Variants in SRBD1 observed in about 807,000 individuals in gnomAD.
SRBD1 encodes the protein S1 RNA binding domain 1, also known as S1 RNA-binding domain-containing protein 1.
Under a neutral mutation model 115.3 loss-of-function variants are expected in SRBD1, and 88 were observed. The observed-to-expected ratio is 0.76, with a 90% CI of 0.64 to 0.91. The LOEUF (loss-of-function observed/expected upper bound fraction) is 0.91, where lower values mean the gene tolerates loss of function less well. Among genes scored for constraint, SRBD1 ranks in the 40% least tolerant of loss-of-function variants. The pLI is 0.00. For missense variants in SRBD1, 1,385 were observed against 1,177.4 expected, an observed-to-expected ratio of 1.18 and a Z score of -2.58; for synonymous variants, 509 against 407.7, an observed-to-expected ratio of 1.25 and a Z score of -2.99.
At chr2:45,496,376 TACTG>T (rs528384911) in intron 14 of SRBD1, among the ~76,000 whole-genome samples, 39 of 151,890 alleles carry the variant, frequency 2.6e-4, no homozygotes, top group South Asian at 2.1e-3. Flanking sequence ...TTCCCAATAA[TACTG>T]ACTATTAAAA....
intron 14 of SRBD1, among the ~76,000 whole-genome samples, chr2:45,501,597 C>T (rs561385286): frequency 2.6e-5 from 4 of 152,290 alleles, no homozygotes; most frequent in South Asian, 2.1e-4. Flanking sequence ...ACCCTAACAC[C>T]GTGCTTTTCC....
chr2:45,599,529 GAT>G lies in SRBD1; in HGVS notation c.566_567del (p.Tyr189SerfsTer14). ...GGAAACTTGACAGGCTGCCCCTGAG[GAT>G]ATGTCTCAGTCTTGATTTTCTTTAA... ...SALKKIKTET[Y>X]PQGQPVKFPA... On this transcript the variant is annotated frameshift_variant, in exon 4 of 21. Coordinates refer to ENST00000263736, the MANE Select transcript of SRBD1 (RefSeq NM_018079.5). LOFTEE classifies it high-confidence loss of function. The G allele has an allele frequency of 6.2e-7, 1 of 1,614,204 alleles. No individual in the cohort carries two copies. Among genetic ancestry groups the G allele is most frequent in the Non-Finnish European group, 8.5e-7 (1 of 1,180,040 alleles).
chr2:45,445,885 C>T (rs1231531034), intron 16 of SRBD1, among the ~76,000 whole-genome samples: 1 of 152,150 alleles, frequency 6.6e-6, no homozygotes, highest in Non-Finnish European at 1.5e-5. Context: ...GGTGTTTTCC[C>T]TTGCCAAATC....
At chr2:45,554,632 T>G (rs6734588) in intron 10 of SRBD1, among the ~76,000 whole-genome samples, 79,596 of 151,890 alleles carry the variant, frequency 0.52, 21,345 homozygotes, top group African/African-American at 0.58. Flanking sequence ...GAAGAGAAAA[T>G]CACAAGCTAA....
intron 19 of SRBD1, among the ~76,000 whole-genome samples, chr2:45,393,866 A>G (rs546394647): frequency 6.6e-6 from 1 of 152,322 alleles, no homozygotes; most frequent in South Asian, 2.1e-4. Context: ...TTGAAAAATG[A>G]ATTACTCTAT....
chr2:45,389,522 C>T lies in SRBD1; in HGVS notation c.2776G>A (p.Val926Ile). Residue 926 changes from valine (V) to isoleucine (I), a missense_variant, in exon 21 of 21, where the codon GTT becomes ATT. Val to Ile is a conservative substitution (Grantham distance 29). Transcript: ENST00000263736. ...LQIGTVLTGKVENATLFGIFV... is the reference protein window; with the variant it reads ...LQIGTVLTGKIENATLFGIFV... ...ATTCCAAAGAGAGTGGCATTCTCAA[C>T]TTTGCCTGTAAGAACTGTCCCAATC... 1 of 1,614,086 alleles carries T rather than the reference C, an allele frequency of 6.2e-7. No homozygotes were observed. Among genetic ancestry groups the T allele is most frequent in the Non-Finnish European group, 8.5e-7 (1 of 1,179,960 alleles).
At chr2:45,569,686 CA>C (rs1303096508) in intron 9 of SRBD1, among the ~76,000 whole-genome samples, 1 of 152,004 alleles carries the variant, frequency 6.6e-6, no homozygotes, top group Non-Finnish European at 1.5e-5. Flanking sequence ...CTTCCTTTCT[CA>C]AAAAACTATA....
intron 15 of SRBD1, among the ~76,000 whole-genome samples, chr2:45,485,231 A>T (rs1033150474): frequency 6.6e-6 from 1 of 152,102 alleles, no homozygotes; most frequent in Non-Finnish European, 1.5e-5. Flanking sequence ...CCATTTCCTG[A>T]ACCTATAGGG....
In SRBD1 at chr2:45,428,066, C is replaced by T. The variant is rs191281499; in HGVS notation, c.2050-8172G>A. Among the ~76,000 whole-genome samples, 251 of 152,280 alleles carry T rather than the reference C, an allele frequency of 1.6e-3. 1 individual carries two copies. The highest frequency in any genetic ancestry group is 5.5e-3 in the African/African-American group (229 of 41,564). On this transcript the variant is annotated intron_variant, in intron 16 of 20. Coordinates refer to ENST00000263736, the MANE Select transcript of SRBD1 (RefSeq NM_018079.5). ...ATATACATTCTTCTCAGCACCACATCGCACTTATTCTAAAATTGACCACAT... is the reference window on the plus strand; with the variant it reads ...ATATACATTCTTCTCAGCACCACATTGCACTTATTCTAAAATTGACCACAT...
At chr2:45,542,876 C>A (rs114792130) in intron 14 of SRBD1, among the ~76,000 whole-genome samples, 1 of 152,124 alleles carries the variant, frequency 6.6e-6, no homozygotes, top group Non-Finnish European at 1.5e-5. Context: ...ATAAAAAGAA[C>A]CACTGGTTTC....
intron 14 of SRBD1, among the ~76,000 whole-genome samples, chr2:45,541,816 T>C (rs985956417): frequency 2.6e-5 from 4 of 152,176 alleles, no homozygotes; most frequent in Non-Finnish European, 5.9e-5. Flanking sequence ...GTCCCAACAT[T>C]TGTGTCAGTC....
intron 20 of SRBD1, among the ~76,000 whole-genome samples, chr2:45,391,531 G>C (rs1181061702): frequency 6.6e-6 from 1 of 152,030 alleles, no homozygotes; most frequent in East Asian, 1.9e-4. Context: ...CCTCACCTTG[G>C]GTATGTGTTT....
chr2:45,587,113 A>ATAT (rs1673567244), intron 4 of SRBD1, among the ~76,000 whole-genome samples: 1 of 127,406 alleles, frequency 7.8e-6, no homozygotes, highest in Non-Finnish European at 1.6e-5. Context: ...TTATTTTAAA[A>ATAT]TATAATTATT....
At chr2:45,591,117 T>C (rs922471778) in intron 4 of SRBD1, among the ~76,000 whole-genome samples, 4 of 152,176 alleles carry the variant, frequency 2.6e-5, no homozygotes, top group African/African-American at 9.7e-5. Flanking sequence ...AGCTGGAGGC[T>C]TCAGGATTTT....
At chr2:45,524,868 C>G (rs747376157) in intron 14 of SRBD1, among the ~76,000 whole-genome samples, 2 of 151,958 alleles carry the variant, frequency 1.3e-5, no homozygotes, top group Non-Finnish European at 2.9e-5. Flanking sequence ...GTAGAAGACT[C>G]ATATTTTCCA....
At chr2:45,468,202 AACTT>A (rs1398900530) in intron 16 of SRBD1, among the ~76,000 whole-genome samples, 1 of 152,020 alleles carries the variant, frequency 6.6e-6, no homozygotes, top group Non-Finnish European at 1.5e-5. Flanking sequence ...CATATTCTGC[AACTT>A]ACTTTCTCGC....
intron 19 of SRBD1, among the ~76,000 whole-genome samples, chr2:45,410,675 T>A (rs1370166930): frequency 6.6e-6 from 1 of 152,030 alleles, no homozygotes; most frequent in Non-Finnish European, 1.5e-5. Context: ...ACTAGAGGGG[T>A]TGTCACCTTC....
At position 45,414,951 on chromosome 2, in the gene SRBD1, C is replaced by T. The variant is rs1040747079; in HGVS notation, c.2334-1658G>A. Among the ~76,000 whole-genome samples the T allele has an allele frequency of 6.6e-4, 61 of 91,794 alleles. 3 individuals are homozygous for T. The East Asian group carries it at 9.8e-3, about 15-fold the overall frequency. The allele number at this position is 91,794 out of a possible 152,430, so 60.2% of individuals were successfully genotyped here. A position where few individuals can be genotyped will look rare whatever the true frequency, so the allele number is the denominator to read the frequency against. On this transcript the variant is annotated intron_variant, in intron 18 of 20. Coordinates refer to ENST00000263736, the MANE Select transcript of SRBD1 (RefSeq NM_018079.5). ...CACACACAGTGTTATATAGTATGTA[C>T]ATACACACACATATAGTGTGTATAT...
In SRBD1 at chr2:45,432,978, A is replaced by C. The variant is rs546172637; in HGVS notation, c.2050-13084T>G. ...AGTATCTAACAACTATTATTTTTTT[A>C]AAGTCCTTCCAGATGAAACACTGTG... On this transcript the variant is annotated intron_variant, in intron 16 of 20. Coordinates refer to ENST00000263736, the MANE Select transcript of SRBD1 (RefSeq NM_018079.5). 2.8e-4 allele frequency among the ~76,000 whole-genome samples: 43 copies of C among 152,324 alleles called. No individual in the cohort carries two copies. In the South Asian group the frequency reaches 7.3e-3, roughly 26 times the overall value.
Sources: gnomAD v4.1 joint callset for allele counts (sites outside exome capture counted in the v4.1 genomes callset) on GRCh38, gnomAD v4.1.1 for gene constraint, MANE v1.5 for transcripts, NCBI Gene and HGNC (gene_info 2026-07-23, HGNC 2026-07-21) for gene names.